The following FYN variants were observed in gnomAD, a reference collection of about 807,000 sequenced individuals.
The protein encoded by FYN is FYN proto-oncogene, Src family tyrosine kinase, also known as tyrosine-protein kinase Fyn.
Under a neutral mutation model 70.2 loss-of-function variants are expected in FYN, and 10 were observed. The observed-to-expected ratio is 0.14, with a 90% confidence interval of 0.09 to 0.24. The LOEUF is 0.24. Ranked by LOEUF, FYN falls within the 10% of genes least tolerant of loss-of-function variation. The probability of loss-of-function intolerance (pLI) is 1.00; values close to 1 mark genes in which losing one functional copy is unlikely to be tolerated. For synonymous variants in FYN, 236 were observed against 248.6 expected (o/e 0.95, Z 0.48); for missense variants, 319 against 673.1 (o/e 0.47, Z 5.82).
intron 3 of FYN, among the ~76,000 whole-genome samples, chr6:111,745,446 G>T (rs570250701): frequency 6.6e-6 from 1 of 152,160 alleles, no homozygotes; most frequent in Non-Finnish European, 1.5e-5. Context: ...AAGGGGGTGC[G>T]CAAGGGGATG....
At chr6:111,746,905 T>G (rs1802249498) in intron 3 of FYN, among the ~76,000 whole-genome samples, 1 of 152,020 alleles carries the variant, frequency 6.6e-6, no homozygotes, top group Admixed American at 6.6e-5. Context: ...ATCCCTTATA[T>G]TGTCTTAGTG....
chr6:111,796,358 A>C (rs1404442797), intron 2 of FYN, among the ~76,000 whole-genome samples: 5 of 152,226 alleles, frequency 3.3e-5, no homozygotes, highest in Non-Finnish European at 5.9e-5. Flanking sequence ...ACAAATATTT[A>C]CCATTGTGTT....
At chr6:111,849,503 T>C (rs575766680) in intron 1 of FYN, among the ~76,000 whole-genome samples, 7 of 152,124 alleles carry the variant, frequency 4.6e-5, no homozygotes, top group Non-Finnish European at 7.3e-5. Flanking sequence ...CAAAGGAGCA[T>C]GGGCTGCACG....
intron 2 of FYN, among the ~76,000 whole-genome samples, chr6:111,807,013 G>A (rs1483869954): frequency 6.6e-6 from 1 of 152,158 alleles, no homozygotes; most frequent in Non-Finnish European, 1.5e-5. Context: ...CATTCAGAGT[G>A]CTGAGCTCTG....
chr6:111,846,526 C>T (rs990380726), intron 2 of FYN, 63 bp downstream of exon 2: 1 of 398,902 alleles, frequency 2.5e-6, no homozygotes. Context: ...ATCCTAGGTT[C>T]CAACAGGAAG....
intron 3 of FYN, among the ~76,000 whole-genome samples, chr6:111,740,073 G>A (rs1369163140): frequency 1.3e-5 from 2 of 149,536 alleles, no homozygotes; most frequent in African/African-American, 2.5e-5. Context: ...CCACCCACTC[G>A]GTCTCCCAAA....
At chr6:111,791,802 A>T (rs1771633017) in intron 2 of FYN, among the ~76,000 whole-genome samples, 2 of 152,256 alleles carry the variant, frequency 1.3e-5, no homozygotes, top group South Asian at 2.1e-4. Flanking sequence ...GCACATTGTT[A>T]TAATAGCCTA....
At chr6:111,712,723 A>T (rs1044657240) in intron 5 of FYN, among the ~76,000 whole-genome samples, 2 of 152,188 alleles carry the variant, frequency 1.3e-5, no homozygotes, top group African/African-American at 2.4e-5. Flanking sequence ...AATGAATGGT[A>T]GCTGTTTATT....
At chr6:111,860,571 T>TC (rs1194655588) in intron 1 of FYN, among the ~76,000 whole-genome samples, 5 of 152,182 alleles carry the variant, frequency 3.3e-5, no homozygotes, top group African/African-American at 1.2e-4. Context: ...TAGGGACTCT[T>TC]CCCCACATGG....
At chr6:111,773,460 A>G (rs1583430159) in intron 3 of FYN, among the ~76,000 whole-genome samples, 1 of 61,014 alleles carries the variant, frequency 1.6e-5, no homozygotes, top group Non-Finnish European at 3.1e-5. Context: ...AGAGGGAGAG[A>G]GTGGGAAAGG....
chr6:111,867,695 C>T (rs570395219), intron 1 of FYN, among the ~76,000 whole-genome samples: 1 of 152,074 alleles, frequency 6.6e-6, no homozygotes, highest in African/African-American at 2.4e-5. Flanking sequence ...CTTTTTTGCT[C>T]CATCTGCACC....
intron 2 of FYN, among the ~76,000 whole-genome samples, chr6:111,821,708 T>C (rs548648284): frequency 8.5e-5 from 13 of 152,094 alleles, no homozygotes; most frequent in African/African-American, 2.7e-4. Flanking sequence ...ACCTACAGAA[T>C]GGGAGAAAAT....
intron 3 of FYN, among the ~76,000 whole-genome samples, chr6:111,732,487 G>GGGTGAAGGCGGGTGAAGGCA (rs1424112178): frequency 3.3e-5 from 5 of 151,934 alleles, no homozygotes; most frequent in Non-Finnish European, 7.3e-5. Flanking sequence ...GAGCGGTGGA[G>GGGTGAAGGCGGGTGAAGGCA]GGTGAAGGCG....
At chr6:111,717,020 G>A (rs1234019760) in intron 4 of FYN, among the ~76,000 whole-genome samples, 1 of 152,042 alleles carries the variant, frequency 6.6e-6, no homozygotes, top group Non-Finnish European at 1.5e-5. Context: ...TCCTGACATC[G>A]TGATCTGCCT....
intron 1 of FYN, 126 bp from the exon 2 acceptor site, chr6:111,846,755 T>C: frequency 5.0e-6 from 2 of 396,996 alleles, no homozygotes; most frequent in Middle Eastern, 6.3e-4. Context: ...GCCCACAAAT[T>C]TTTTATCATT....
At chr6:111,793,184 T>C (rs1187067703) in intron 2 of FYN, among the ~76,000 whole-genome samples, 1 of 152,202 alleles carries the variant, frequency 6.6e-6, no homozygotes, top group Non-Finnish European at 1.5e-5. Flanking sequence ...GAAGTGCCAT[T>C]TCATTAAATT....
intron 12 of FYN, among the ~76,000 whole-genome samples, chr6:111,691,860 G>A (rs1031204182): frequency 1.3e-5 from 2 of 152,234 alleles, no homozygotes; most frequent in Non-Finnish European, 2.9e-5. Flanking sequence ...AACAGGGTCA[G>A]CCATTTCTGG....
At chr6:111,794,350 T>C (rs1490098707) in intron 2 of FYN, among the ~76,000 whole-genome samples, 1 of 152,250 alleles carries the variant, frequency 6.6e-6, no homozygotes, top group Non-Finnish European at 1.5e-5. Context: ...TAAATAACTT[T>C]TGATCATGAA....
At chr6:111,692,392 C>T (rs1583315324) in intron 12 of FYN, among the ~76,000 whole-genome samples, 1 of 152,080 alleles carries the variant, frequency 6.6e-6, no homozygotes, top group Non-Finnish European at 1.5e-5. Context: ...CGGCTGGGGG[C>T]CAGGCTGAGG....
Sources: allele counts gnomAD v4.1 joint callset (sites outside exome capture counted in the v4.1 genomes callset), GRCh38; gene constraint gnomAD v4.1.1; transcripts MANE v1.5; gene names NCBI Gene and HGNC (gene_info 2026-07-23, HGNC 2026-07-21).